SUN1: variants seen among roughly 807,000 people sequenced by gnomAD.
The protein encoded by SUN1 is SUN domain-containing protein 1.
SUN1 carries 61 observed loss-of-function variants against 103.2 expected under a neutral mutation model. The ratio of observed to expected loss-of-function variants is 0.59; its 90% confidence interval spans 0.48 to 0.73. The LOEUF is 0.73. Among genes scored for constraint, SUN1 ranks in the 30% least tolerant of loss-of-function variants. The pLI is 0.00. For missense variants in SUN1, 1,052 were observed against 1,034.6 expected (o/e 1.02, Z -0.23); for synonymous variants, 490 against 425.7 (o/e 1.15, Z -1.86).
intron 2 of SUN1, among the ~76,000 whole-genome samples, chr7:840,228 C>T (rs4492254): frequency 1 from 151,743 of 152,380 alleles, 75,555 homozygotes; most frequent in Middle Eastern, 1. Flanking sequence ...GAGTTCACTG[C>T]GCAAAGAGTT....
chr7:862,449 A>AT (rs1482395153), intron 15 of SUN1, among the ~76,000 whole-genome samples: 3 of 152,236 alleles, frequency 2.0e-5, no homozygotes, highest in African/African-American at 7.2e-5. Flanking sequence ...TGAAGTCGTG[A>AT]TAAAAATGGC....
At chr7:837,709 T>C (rs1288635470) in intron 1 of SUN1, among the ~76,000 whole-genome samples, 1 of 152,218 alleles carries the variant, frequency 6.6e-6, no homozygotes, top group Non-Finnish European at 1.5e-5. Context: ...TGGGCTGTGT[T>C]GATTCCTGGG....
At chr7:837,950 A>G (rs187609523) in intron 1 of SUN1, among the ~76,000 whole-genome samples, 1 of 152,380 alleles carries the variant, frequency 6.6e-6, no homozygotes, top group Admixed American at 6.5e-5. Context: ...CATTCAACAT[A>G]GCTTAGTGCA....
intron 1 of SUN1, among the ~76,000 whole-genome samples, chr7:818,490 G>C (rs1232533740): frequency 6.6e-6 from 1 of 152,204 alleles, no homozygotes; most frequent in Non-Finnish European, 1.5e-5. Context: ...GAGTAATGCA[G>C]CTACTATGAA....
intron 15 of SUN1, among the ~76,000 whole-genome samples, chr7:865,449 G>T (rs938973888): frequency 6.6e-6 from 1 of 152,172 alleles, no homozygotes; most frequent in African/African-American, 2.4e-5. Flanking sequence ...GTACTCCATT[G>T]TGTATATGTA....
At chr7:861,657 A>G (rs1396846655) in intron 15 of SUN1, among the ~76,000 whole-genome samples, 193 bp downstream of exon 15, 1 of 152,198 alleles carries the variant, frequency 6.6e-6, no homozygotes, top group African/African-American at 2.4e-5. Flanking sequence ...GGGGGGCACA[A>G]GTTCTCCCCT....
upstream of SUN1, among the ~76,000 whole-genome samples, chr7:830,634 C>T (rs1215335607): frequency 2.0e-5 from 3 of 152,344 alleles, 1 homozygote; most frequent in East Asian, 5.8e-4. Context: ...CTTTTCCCTA[C>T]CATCCCCATC....
intron 1 of SUN1, among the ~76,000 whole-genome samples, chr7:838,265 T>C (rs1267241901): frequency 6.6e-6 from 1 of 152,230 alleles, no homozygotes; most frequent in Non-Finnish European, 1.5e-5. Flanking sequence ...TGGAAGGTAT[T>C]GGAAGTGACT....
chr7:820,072 A>C (rs576650694), intron 1 of SUN1, among the ~76,000 whole-genome samples: 1 of 152,236 alleles, frequency 6.6e-6, no homozygotes, highest in Non-Finnish European at 1.5e-5. Context: ...TTGCAGTTCC[A>C]TATGAATTTA....
At chr7:870,105 C>G (rs1401682228) in intron 17 of SUN1, among the ~76,000 whole-genome samples, 1 of 149,952 alleles carries the variant, frequency 6.7e-6, no homozygotes, top group African/African-American at 2.5e-5. Flanking sequence ...ACCTGGGAGG[C>G]TGAGGCAGAA....
At chr7:821,613 G>C (rs1423103246) in intron 1 of SUN1, among the ~76,000 whole-genome samples, 1 of 152,134 alleles carries the variant, frequency 6.6e-6, no homozygotes, top group East Asian at 1.9e-4. Context: ...ATTCAAATCT[G>C]CTTACAGTAA....
upstream of SUN1, chr7:816,344 C>T (rs573994764): frequency 0.014 from 2,906 of 205,428 alleles, 38 homozygotes; most frequent in Middle Eastern, 0.028. Flanking sequence ...GCAGGCCTTT[C>T]CCCCGAATGC....
chr7:869,587 G>A lies in SUN1; in HGVS notation c.2148+71G>A, dbSNP rs372933731. 6.6e-4 allele frequency: 1,037 copies of A among 1,560,356 alleles called. 8 individuals carry two copies. In the African/African-American group the frequency reaches 0.013, roughly 19 times the overall value. On this transcript the variant is annotated intron_variant, in intron 17 of 18. Coordinates refer to ENST00000401592, the MANE Select transcript of SUN1 (RefSeq NM_001130965.3). ...GTTCCCACAGATGAAAGCAAGTGAC[G>A]TGAGCGCACTGGGGACGGCTGCCTC...
At chr7:867,298 T>C (rs1238945637) in intron 16 of SUN1, among the ~76,000 whole-genome samples, 1 of 152,268 alleles carries the variant, frequency 6.6e-6, no homozygotes, top group African/African-American at 2.4e-5. Flanking sequence ...AGCCCTGCGC[T>C]TGGCATGCGG....
At chr7:817,153 T>G (rs1583606084) in intron 1 of SUN1, 47 of 415,138 alleles carry the variant, frequency 1.1e-4, no homozygotes, top group South Asian at 3.7e-4. Context: ...AGAGGGGGGG[T>G]CTCGCTGTGT....
intron 15 of SUN1, among the ~76,000 whole-genome samples, chr7:865,381 G>T (rs574858696): frequency 5.8e-4 from 89 of 152,332 alleles, no homozygotes; most frequent in African/African-American, 2.1e-3. Flanking sequence ...AAAGTGCTGG[G>T]ATTACAAGCG....
intron 13 of SUN1, among the ~76,000 whole-genome samples, chr7:859,555 G>A (rs1830530278): frequency 1.3e-5 from 2 of 152,202 alleles, no homozygotes; most frequent in South Asian, 4.1e-4. Flanking sequence ...GGCTAGAGAA[G>A]GGTGTGTCCA....
At chr7:866,248 C>T (rs967769797) in intron 16 of SUN1, among the ~76,000 whole-genome samples, 181 bp downstream of exon 16, 2 of 152,206 alleles carry the variant, frequency 1.3e-5, no homozygotes, top group African/African-American at 2.4e-5. Flanking sequence ...GTAGCCTCCA[C>T]GCTACACATC....
intron 1 of SUN1, among the ~76,000 whole-genome samples, chr7:835,208 G>A (rs557801849): frequency 6.6e-6 from 1 of 152,344 alleles, no homozygotes; most frequent in South Asian, 2.1e-4. Context: ...CCCCCACCCA[G>A]CACTTCGGAG....
Sources: allele counts gnomAD v4.1 joint callset (sites outside exome capture counted in the v4.1 genomes callset), GRCh38; gene constraint gnomAD v4.1.1; transcripts MANE v1.5; gene names NCBI Gene and HGNC (gene_info 2026-07-23, HGNC 2026-07-21).